TRIO: variants seen among roughly 807,000 people sequenced by gnomAD.
The protein encoded by TRIO is triple functional domain protein.
In TRIO, 58 loss-of-function variants were observed where a neutral mutation model predicts 351.9. The ratio of observed to expected loss-of-function variants is 0.16; its 90% CI spans 0.13 to 0.21. TRIO has a LOEUF of 0.21. TRIO is among the 10% of genes least tolerant of loss of function. The pLI is 1.00. For missense variants in TRIO, 3,201 were observed against 4,027.8 expected, an observed-to-expected ratio of 0.79 and a Z score of 5.56; for synonymous variants, 1,758 against 1,595.7, an observed-to-expected ratio of 1.10 and a Z score of -2.42.
At chr5:14,241,939 G>T (rs143313413) in intron 1 of TRIO, among the ~76,000 whole-genome samples, 2 of 152,116 alleles carry the variant, frequency 1.3e-5, no homozygotes, top group Non-Finnish European at 2.9e-5. Flanking sequence ...AAAGTAAATT[G>T]TATTATTCCA....
chr5:14,379,186 G>A (rs894916219), intron 20 of TRIO, among the ~76,000 whole-genome samples: 1 of 152,126 alleles, frequency 6.6e-6, no homozygotes, highest in African/African-American at 2.4e-5. Context: ...AGTCCCCCAG[G>A]GCAATTCTGT....
At chr5:14,177,889 C>T (rs1789504867) in intron 1 of TRIO, among the ~76,000 whole-genome samples, 1 of 152,208 alleles carries the variant, frequency 6.6e-6, no homozygotes, top group South Asian at 2.1e-4. Context: ...AAAATCGGTC[C>T]TCACCATACC....
chr5:14,390,121 A>G (rs186436461), intron 25 of TRIO, 110 bp from the exon 26 acceptor site: 3 of 913,386 alleles, frequency 3.3e-6, no homozygotes, highest in Non-Finnish European at 5.0e-6. Flanking sequence ...TAAGAGCTAC[A>G]TGTTTTGTTC....
intron 6 of TRIO, 144 bp downstream of exon 6, chr5:14,293,278 T>C: frequency 8.8e-7 from 1 of 1,135,800 alleles, no homozygotes; most frequent in Non-Finnish European, 1.2e-6. Context: ...TGGAGGGTGT[T>C]CCCTAGGGTT....
At chr5:14,378,904 C>A (rs912681481) in intron 20 of TRIO, among the ~76,000 whole-genome samples, 1 of 152,140 alleles carries the variant, frequency 6.6e-6, no homozygotes, top group Non-Finnish European at 1.5e-5. Context: ...GTTGATGTAT[C>A]AAGGGGGTAC....
chr5:14,272,353 T>A (rs1037476560), intron 2 of TRIO, among the ~76,000 whole-genome samples: 1 of 152,248 alleles, frequency 6.6e-6, no homozygotes, highest in African/African-American at 2.4e-5. Flanking sequence ...TTCCATTTTC[T>A]TCTTTCATTA....
chr5:14,301,391 A>T (rs1262165807), intron 7 of TRIO, among the ~76,000 whole-genome samples: 1 of 152,020 alleles, frequency 6.6e-6, no homozygotes, highest in East Asian at 1.9e-4. Flanking sequence ...CCAGTCCCCC[A>T]GATGCTTTGT....
At chr5:14,295,934 C>T (rs944723514) in intron 6 of TRIO, among the ~76,000 whole-genome samples, 1 of 152,134 alleles carries the variant, frequency 6.6e-6, no homozygotes, top group African/African-American at 2.4e-5. Flanking sequence ...AGAGGCAACT[C>T]CACCAAGTTC....
At chr5:14,345,485 G>T (rs943858863) in intron 11 of TRIO, among the ~76,000 whole-genome samples, 6 of 152,196 alleles carry the variant, frequency 3.9e-5, no homozygotes, top group African/African-American at 1.4e-4. Context: ...AATGTAAAAG[G>T]TGAGGCACTT....
intron 1 of TRIO, among the ~76,000 whole-genome samples, chr5:14,257,906 ATTAATACT>A (rs1460420309): frequency 1.3e-5 from 2 of 152,220 alleles, no homozygotes; most frequent in Non-Finnish European, 2.9e-5. Context: ...AGTTTCAGAT[ATTAATACT>A]TTAATACTGT....
In TRIO at chr5:14,290,697, T is replaced by C. The variant is rs1024794485; in HGVS notation, c.541-19T>C. On this transcript the variant is annotated intron_variant, in intron 4 of 56. Coordinates refer to ENST00000344204, the MANE Select transcript of TRIO (RefSeq NM_007118.4). ...TAAAATTGGTTCATCTTCTCATACG[T>C]GATTTTTTTTCCCTTAAGACAAATA... is the stretch of plus-strand genomic sequence containing the variant. 7 of 1,571,706 alleles carry C rather than the reference T, an allele frequency of 4.5e-6. No homozygotes were observed. Among genetic ancestry groups the C allele is most frequent in the Admixed American group, 3.8e-5 (2 of 52,960 alleles).
In TRIO at chr5:14,497,986, C is replaced by T. The variant is rs1044367054; in HGVS notation, c.8048-103C>T. On this transcript the variant is annotated intron_variant, in intron 51 of 56. Coordinates refer to ENST00000344204, the MANE Select transcript of TRIO (RefSeq NM_007118.4). This position sits in a 1 kb window ranked among gnomAD's most constrained non-coding sequence, Gnocchi z 4.4. ...AATGAGTTTTCCGTGGCGCTCTAGG[C>T]GTGCATAGCAGGTTAGGTCCTATCA... 2.1e-5 allele frequency: 33 copies of T among 1,608,440 alleles called. No individual in the cohort carries two copies. Among genetic ancestry groups the T allele is most frequent in the African/African-American group, 2.0e-4 (15 of 74,694 alleles).
chr5:14,409,604 G>A (rs1749013309), intron 33 of TRIO, among the ~76,000 whole-genome samples: 1 of 151,964 alleles, frequency 6.6e-6, no homozygotes, highest in Non-Finnish European at 1.5e-5. Context: ...GGAGGCCAAG[G>A]CGGGCAGATC....
chr5:14,235,176 T>C (rs1305967508), intron 1 of TRIO, among the ~76,000 whole-genome samples: 2 of 152,192 alleles, frequency 1.3e-5, no homozygotes, highest in African/African-American at 4.8e-5. Flanking sequence ...TTACTCAAAA[T>C]ATAAGGGAAA....
chr5:14,465,727 C>G (rs1002307576), intron 37 of TRIO, 87 bp downstream of exon 37: 7 of 1,431,640 alleles, frequency 4.9e-6, no homozygotes, highest in African/African-American at 1.4e-5. Context: ...TTGTATTGCT[C>G]TGGGCTGCAG....
intron 45 of TRIO, among the ~76,000 whole-genome samples, chr5:14,482,194 C>T (rs1300124944): frequency 6.6e-6 from 1 of 152,124 alleles, no homozygotes; most frequent in Non-Finnish European, 1.5e-5. Context: ...AGTTCTGGTG[C>T]TATGGTTCTC....
At chr5:14,397,968 G>A (rs1443968405) in intron 29 of TRIO, among the ~76,000 whole-genome samples, 1 of 152,150 alleles carries the variant, frequency 6.6e-6, no homozygotes, top group African/African-American at 2.4e-5. Flanking sequence ...TCAAGACCAT[G>A]CCAACATTCC....
intron 11 of TRIO, among the ~76,000 whole-genome samples, chr5:14,357,258 G>A (rs1021842502): frequency 2.0e-5 from 3 of 152,228 alleles, no homozygotes; most frequent in African/African-American, 7.2e-5. Flanking sequence ...CACCAGCTGA[G>A]CCGGCTGTCC....
chr5:14,279,771 G>A (rs964402851), intron 2 of TRIO, among the ~76,000 whole-genome samples: 4 of 152,236 alleles, frequency 2.6e-5, no homozygotes, highest in Non-Finnish European at 5.9e-5. Context: ...ATGCATGTGT[G>A]TGGTTCTGTG....
Sources: gnomAD v4.1 joint callset for allele counts (sites outside exome capture counted in the v4.1 genomes callset) on GRCh38, gnomAD v4.1.1 for gene constraint, Gnocchi (gnomAD v3.1) non-coding constraint, MANE v1.5 for transcripts, NCBI Gene and HGNC (gene_info 2026-07-23, HGNC 2026-07-21) for gene names.